ROR2: variants seen among roughly 807,000 people sequenced by gnomAD.
The protein encoded by ROR2 is ROR family WNT receptor 2.
In ROR2, 33 loss-of-function variants were observed where a neutral mutation model predicts 74.9. The observed-to-expected ratio is 0.44, with a 90% confidence interval of 0.33 to 0.59. ROR2 has a LOEUF of 0.59. Ranked by LOEUF, ROR2 falls within the 20% of genes least tolerant of loss-of-function variation. ROR2 has a pLI of 0.02. For synonymous variants in ROR2, 586 were observed against 558.7 expected (o/e 1.05, Z -0.69); for missense variants, 1,216 against 1,313.8 (o/e 0.93, Z 1.15).
At chr9:91,904,699 T>C (rs1374785431) in intron 1 of ROR2, among the ~76,000 whole-genome samples, 2 of 151,838 alleles carry the variant, frequency 1.3e-5, no homozygotes, top group Admixed American at 1.3e-4. Flanking sequence ...AGATCCCATC[T>C]CCACCCCAGC....
chr9:91,766,846 G>T (rs1023629635), intron 2 of ROR2, among the ~76,000 whole-genome samples: 3 of 152,192 alleles, frequency 2.0e-5, no homozygotes, highest in Admixed American at 6.5e-5. Flanking sequence ...ACACAGAACA[G>T]AAGTCTTCCC....
intron 1 of ROR2, among the ~76,000 whole-genome samples, chr9:91,876,077 T>C (rs149669792): frequency 1.3e-3 from 190 of 151,390 alleles, no homozygotes; most frequent in African/African-American, 4.4e-3. Flanking sequence ...TGTTTGTCAT[T>C]AAAATTAAAA....
chr9:91,877,804 G>A (rs1829997913), intron 1 of ROR2, among the ~76,000 whole-genome samples: 1 of 152,184 alleles, frequency 6.6e-6, no homozygotes, highest in Non-Finnish European at 1.5e-5. Flanking sequence ...GAAGTACCAC[G>A]GTGTAATAAT....
At chr9:91,855,587 G>A (rs1829253981) in intron 1 of ROR2, among the ~76,000 whole-genome samples, 1 of 152,096 alleles carries the variant, frequency 6.6e-6, no homozygotes, top group Admixed American at 6.5e-5. Context: ...CTTAGAGAAG[G>A]AAGGGACACC....
intron 1 of ROR2, among the ~76,000 whole-genome samples, chr9:91,836,935 C>CT (rs1371886453): frequency 1.3e-5 from 2 of 152,180 alleles, no homozygotes; most frequent in African/African-American, 4.8e-5. Context: ...TTGTTTGCAG[C>CT]TTTGGTCAAT....
At chr9:91,735,606 CTTTTTTTTTTTTTTTTTTTTTTTTTTTT>C (rs35146225) in intron 5 of ROR2, among the ~76,000 whole-genome samples, 1 of 79,000 alleles carries the variant, frequency 1.3e-5, no homozygotes, top group Non-Finnish European at 2.4e-5. Flanking sequence ...AGGGCTCTAA[CTTTTTTTTTTTTTTTTTTTTTTTTTTTT>C]TTTTTTTTTG....
At chr9:91,728,862 T>C (rs1368007001) in intron 7 of ROR2, among the ~76,000 whole-genome samples, 2 of 152,220 alleles carry the variant, frequency 1.3e-5, no homozygotes, top group African/African-American at 2.4e-5. Context: ...CACAGCTGCA[T>C]GCCACTCCAC....
At chr9:91,902,714 A>G (rs1457056204) in intron 1 of ROR2, among the ~76,000 whole-genome samples, 2 of 152,364 alleles carry the variant, frequency 1.3e-5, no homozygotes, top group South Asian at 2.1e-4. Flanking sequence ...CTTCATCAGC[A>G]TGGAGTTAAT....
chr9:91,853,282 CAG>C (rs1829170905), intron 1 of ROR2, among the ~76,000 whole-genome samples: 1 of 152,144 alleles, frequency 6.6e-6, no homozygotes, highest in African/African-American at 2.4e-5. Flanking sequence ...ACGACCCAAC[CAG>C]AGTTACTGGG....
rs1252283368 is a variant in ROR2 at position 91,723,964 on chromosome 9, T to C, written c.2530A>G (p.Met844Val). ...LPNFYPVQIPMQMAPQQVPPQ... is the reference protein window; with the variant it reads ...LPNFYPVQIPVQMAPQQVPPQ... Reference sequence around the variant, plus strand: ...GGCACCTGCTGCGGGGCCATCTGCATTGGGATCTGCACCGGGTAGAAGTTG... The same window carrying C: ...GGCACCTGCTGCGGGGCCATCTGCACTGGGATCTGCACCGGGTAGAAGTTG... The change falls in exon 9 of 9, where the codon ATG becomes GTG. Residue 844 changes from methionine (M) to valine (V), a missense_variant. Coordinates refer to ENST00000375708, the MANE Select transcript of ROR2 (RefSeq NM_004560.4). The C allele has an allele frequency of 2.5e-6, 4 of 1,613,316 alleles. No homozygotes were observed. Among genetic ancestry groups the C allele is most frequent in the African/African-American group, 2.7e-5 (2 of 75,064 alleles).
intron 1 of ROR2, among the ~76,000 whole-genome samples, chr9:91,814,103 G>A (rs1223398647): frequency 6.6e-6 from 1 of 152,204 alleles, no homozygotes; most frequent in Non-Finnish European, 1.5e-5. Context: ...CAAGAGGATC[G>A]CTTGAGGCTG....
Position 91,905,020 on chromosome 9 carries a change from C to G in ROR2, c.97+44847G>C, listed in dbSNP as rs548824687. Among the ~76,000 whole-genome samples the G allele has an allele frequency of 3.3e-5, 5 of 151,158 alleles. No individual in the cohort carries two copies. The East Asian group carries it at 9.9e-4, about 30-fold the overall frequency. On this transcript the variant is annotated intron_variant, in intron 1 of 8. Coordinates refer to ENST00000375708, the MANE Select transcript of ROR2 (RefSeq NM_004560.4). This position sits in a 1 kb window ranked among gnomAD's most constrained non-coding sequence, Gnocchi z 5.3. ...AACACATACCACACAACATATACCA[C>G]ACACAAAAACGTAACATATACGCAA...
In ROR2 at chr9:91,949,849, C is replaced by A; in HGVS notation, c.97+18G>T. 6.7e-7 allele frequency: 1 copy of A among 1,488,232 alleles called. No individual in the cohort carries two copies. Among genetic ancestry groups the A allele is most frequent in the South Asian group, 1.2e-5 (1 of 82,802 alleles). 92.2% of individuals were successfully genotyped at this position (1,488,232 alleles called of 1,614,324 possible). A position where few individuals can be genotyped will look rare whatever the true frequency, so the allele number is the denominator to read the frequency against. On this transcript the variant is annotated intron_variant, in intron 1 of 8. Transcript: ENST00000375708. The stretch of plus-strand genomic sequence containing the variant: ...CGTGAGCTACCGTCTGCGCACAAGC[C>A]GGAACGCCAGATCCTACCTGAAGTC...
intron 1 of ROR2, among the ~76,000 whole-genome samples, chr9:91,782,078 C>G (rs1826638116): frequency 1.3e-5 from 2 of 152,242 alleles, no homozygotes; most frequent in South Asian, 2.1e-4. Flanking sequence ...ATCCACAGCC[C>G]TGGCAGCGGT....
intron 1 of ROR2, chr9:91,948,789 T>G: frequency 1.0e-6 from 1 of 985,458 alleles, no homozygotes; most frequent in South Asian, 4.7e-5. Flanking sequence ...TTCCGGGGGC[T>G]TCAGGCGAAC....
chr9:91,904,447 C>T (rs77195586), intron 1 of ROR2, among the ~76,000 whole-genome samples: 2,663 of 152,318 alleles, frequency 0.017, 86 homozygotes, highest in African/African-American at 0.06. Context: ...GGCCCAAGGG[C>T]TGGGGTAGGG....
In ROR2 at chr9:91,757,319, T is replaced by C; in HGVS notation, c.416A>G (p.Asn139Ser). The change falls in exon 3 of 9, where the codon AAC (asparagine) becomes AGC (serine). Residue 139 changes from asparagine to serine, a missense_variant. By Grantham distance (46) the Asn-to-Ser change is conservative. Coordinates refer to ENST00000375708, the MANE Select transcript of ROR2 (RefSeq NM_004560.4). ...DTGYYQCVAT[N>S]GMKTITATGV... ...AGTGGCGGTAATGGTCTTCATCCCG[T>C]TGGTGGCCACGCACTGGTAGTAGCC... 1 of 1,613,936 alleles carries C rather than the reference T, an allele frequency of 6.2e-7. No homozygotes were observed. Among genetic ancestry groups the C allele is most frequent in the Non-Finnish European group, 8.5e-7 (1 of 1,179,996 alleles).
In ROR2 at chr9:91,869,149, C is replaced by A. The variant is rs539696381; in HGVS notation, c.97+80718G>T. ...CATAGCTCACTGCAGCCTGGAACTA[C>A]TGAGCTCAAGTGATCCTTTGGCCTC... is the stretch of plus-strand genomic sequence containing the variant. On this transcript the variant is annotated intron_variant, in intron 1 of 8. Coordinates refer to ENST00000375708, the MANE Select transcript of ROR2 (RefSeq NM_004560.4). Among the ~76,000 whole-genome samples the A allele has an allele frequency of 3.3e-5, 5 of 152,262 alleles. No individual in the cohort carries two copies. The East Asian group carries it at 9.6e-4, about 29-fold the overall frequency.
intron 1 of ROR2, among the ~76,000 whole-genome samples, chr9:91,803,918 C>T (rs1827468968): frequency 6.6e-6 from 1 of 152,238 alleles, no homozygotes; most frequent in South Asian, 2.1e-4. Flanking sequence ...TGGCATAAAA[C>T]ACCTTATTAG....
Sources: gnomAD v4.1 joint callset for allele counts (sites outside exome capture counted in the v4.1 genomes callset) on GRCh38, gnomAD v4.1.1 for gene constraint, Gnocchi (gnomAD v3.1) non-coding constraint, MANE v1.5 for transcripts, NCBI Gene and HGNC (gene_info 2026-07-23, HGNC 2026-07-21) for gene names.